Variants in SVIL observed in about 807,000 individuals in gnomAD.
The protein encoded by SVIL is supervillin, also known as archvillin.
Under a neutral mutation model 240.4 loss-of-function variants are expected in SVIL, and 101 were observed. That is an observed-to-expected ratio of 0.42 (90% CI 0.36 to 0.50). SVIL has a LOEUF of 0.50. Ranked by LOEUF, SVIL falls within the 20% of genes least tolerant of loss-of-function variation. The pLI, the probability that SVIL is intolerant of heterozygous loss-of-function variation, is 0.01. For missense variants in SVIL, 2,512 were observed against 2,818.7 expected, an observed-to-expected ratio of 0.89 and a Z score of 2.46; for synonymous variants, 999 against 1,100.0, an observed-to-expected ratio of 0.91 and a Z score of 1.82.
upstream of SVIL, among the ~76,000 whole-genome samples, chr10:29,638,126 A>T (rs1396277027): frequency 6.6e-6 from 1 of 152,178 alleles, no homozygotes; most frequent in Non-Finnish European, 1.5e-5. Flanking sequence ...ATCACTTTGT[A>T]CTATTTCTTA....
chr10:29,499,089 C>A, intron 18 of SVIL, 27 bp downstream of exon 18: 1 of 1,610,666 alleles, frequency 6.2e-7, no homozygotes, highest in Non-Finnish European at 8.5e-7. Flanking sequence ...GTGCACACAC[C>A]ACACACATGG....
At chr10:29,701,743 CT>C (rs138875102) in intron 1 of SVIL, among the ~76,000 whole-genome samples, 2,314 of 152,234 alleles carry the variant, frequency 0.015, 43 homozygotes, top group East Asian at 0.098. Context: ...CACTTGAAAT[CT>C]TATAAGTAAA....
intron 7 of SVIL, 85 bp downstream of exon 7, chr10:29,535,904 G>T: frequency 7.3e-7 from 1 of 1,366,400 alleles, no homozygotes; most frequent in Non-Finnish European, 1.0e-6. Context: ...AAGGCAAGAG[G>T]AGAGTGGGTG....
intron 22 of SVIL, among the ~76,000 whole-genome samples, chr10:29,490,112 A>G (rs1486731196): frequency 1.3e-5 from 2 of 152,068 alleles, no homozygotes; most frequent in Non-Finnish European, 2.9e-5. Context: ...GAGAGTCTGG[A>G]GCCCATCTCC....
At position 29,499,103 on chromosome 10, in the gene SVIL, C is replaced by T; in HGVS notation, c.3664+13G>A. On this transcript the variant is annotated intron_variant, in intron 18 of 37. Transcript: ENST00000355867. ...TGTGCACACACCACACACATGGACA[C>T]ACACACACTGACCTTTCTTCACCAT... is the stretch of plus-strand genomic sequence containing the variant. 2 of 1,613,378 alleles carry T rather than the reference C, an allele frequency of 1.2e-6. No individual in the cohort carries two copies. The highest frequency in any genetic ancestry group is 1.7e-6 in the Non-Finnish European group (2 of 1,179,628).
chr10:29,667,389 A>G (rs1290139562), intron 2 of SVIL, among the ~76,000 whole-genome samples: 1 of 152,242 alleles, frequency 6.6e-6, no homozygotes, highest in Non-Finnish European at 1.5e-5. Flanking sequence ...CTCCATTTGC[A>G]TAACATTCTG....
In SVIL at chr10:29,533,260, T is replaced by A; in HGVS notation, c.1107A>T (p.Gln369His). The A allele has an allele frequency of 1.2e-6, 2 of 1,614,098 alleles. No homozygotes were observed. Among genetic ancestry groups the A allele is most frequent in the Non-Finnish European group, 1.7e-6 (2 of 1,180,010 alleles). Residue 369 changes from glutamine (Q) to histidine (H), a missense_variant, in exon 8 of 38, where the codon CAA (glutamine) becomes CAT (histidine). Gln to His is a conservative substitution (Grantham distance 24, BLOSUM62 0). Coordinates refer to ENST00000355867, the MANE Select transcript of SVIL (RefSeq NM_021738.3). ...STRQPIRGYV[Q>H]PADTGHTAKL... is the part of the protein sequence containing the mutation. ...TGGCGGTGTGACCGGTATCTGCGGGTTGGACATAGCCACGGATTGGCTGTC... is the reference window on the plus strand; with the variant it reads ...TGGCGGTGTGACCGGTATCTGCGGGATGGACATAGCCACGGATTGGCTGTC...
At chr10:29,704,659 C>T (rs1308430400) in intron 1 of SVIL, among the ~76,000 whole-genome samples, 1 of 152,176 alleles carries the variant, frequency 6.6e-6, no homozygotes, top group Non-Finnish European at 1.5e-5. Context: ...ATCATTTCCC[C>T]CCGCAAATTG....
chr10:29,730,865 A>T (rs1210601755), intron 1 of SVIL, among the ~76,000 whole-genome samples: 1 of 152,208 alleles, frequency 6.6e-6, no homozygotes, highest in Non-Finnish European at 1.5e-5. Context: ...ATTGTGATTG[A>T]TGCTGGAGCT....
At position 29,512,642 on chromosome 10, in the gene SVIL, A is replaced by G. The variant is rs1002440680; in HGVS notation, c.3516+93T>C. 30 of 1,603,604 alleles carry G rather than the reference A, an allele frequency of 1.9e-5. No individual in the cohort carries two copies. In the Admixed American group the frequency reaches 4.2e-4, roughly 22 times the overall value. On this transcript the variant is annotated intron_variant, in intron 17 of 37. Coordinates refer to ENST00000355867, the MANE Select transcript of SVIL (RefSeq NM_021738.3). ...GGGCAAAAATGCACAAATGCTTCAC[A>G]GAGTAGGAATTAGGTGGCACACGCT...
intron 6 of SVIL, among the ~76,000 whole-genome samples, chr10:29,545,349 A>G (rs4578281): frequency 0.36 from 53,939 of 151,844 alleles, 9,706 homozygotes; most frequent in Admixed American, 0.41. Flanking sequence ...GCTCTCTGGC[A>G]TCCATGGGGA....
chr10:29,484,831 C>T lies in SVIL; in HGVS notation c.4780G>A (p.Val1594Ile), dbSNP rs750914158. 3 of 1,600,752 alleles carry T rather than the reference C, an allele frequency of 1.9e-6. No homozygotes were observed. The highest frequency in any genetic ancestry group is 2.6e-6 in the Non-Finnish European group (3 of 1,173,840). The change falls in exon 27 of 38, where the codon GTA becomes ATA. Residue 1594 changes from valine (V) to isoleucine (I), a missense_variant and splice_region_variant. This residue lies in a region of SVIL where 797 missense variants were observed against 925.3 expected (regional missense o/e 0.86). Transcript: ENST00000355867. The surrounding 1 kb of genome is among the most constrained non-coding windows in gnomAD (Gnocchi z 4.7). ...PKCSLLQPKE[V>I]LVFDFGSEVY... ...TCACTACCAAAATCAAACACCAGTACCTGGGAGAAATGGCACAAAAGAATT... is the reference window on the plus strand; with the variant it reads ...TCACTACCAAAATCAAACACCAGTATCTGGGAGAAATGGCACAAAAGAATT...
intron 1 of SVIL, among the ~76,000 whole-genome samples, chr10:29,704,134 C>G (rs1962723507): frequency 6.6e-6 from 1 of 152,254 alleles, no homozygotes; most frequent in Non-Finnish European, 1.5e-5. Context: ...TCATTAATAT[C>G]CTAGTTCACT....
chr10:29,526,272 T>C (rs949617473), intron 13 of SVIL, among the ~76,000 whole-genome samples: 19 of 151,554 alleles, frequency 1.3e-4, no homozygotes, highest in Non-Finnish European at 1.0e-4. Flanking sequence ...TAATGTCTCA[T>C]TTTTCTTTTT....
At chr10:29,674,880 A>G (rs1480054334) in intron 2 of SVIL, among the ~76,000 whole-genome samples, 1 of 152,066 alleles carries the variant, frequency 6.6e-6, no homozygotes, top group African/African-American at 2.4e-5. Flanking sequence ...AGCCCTGAAG[A>G]CTGTGTCCCA....
chr10:29,657,416 A>C (rs991816732), intron 3 of SVIL, among the ~76,000 whole-genome samples: 2 of 152,178 alleles, frequency 1.3e-5, no homozygotes, highest in African/African-American at 4.8e-5. Context: ...ACTTTAATCC[A>C]ATGCTTTCCA....
rs142437591 is a variant in SVIL, at chr10:29,458,686, T to C, written c.6403-97A>G. 17 of 1,391,790 alleles carry C rather than the reference T, an allele frequency of 1.2e-5. No homozygotes were observed. In the East Asian group the frequency reaches 3.8e-4, roughly 31 times the overall value. The allele number at this position is 1,391,790 out of a possible 1,614,324, so 86.2% of individuals were successfully genotyped here. On this transcript the variant is annotated intron_variant, in intron 36 of 37. Transcript: ENST00000355867. ...GACACACAGCCCTGTGCCACCTGCA[T>C]ACTGCCTGAGGATGCATAGTTCCAT... is the stretch of plus-strand genomic sequence containing the variant.
At position 29,458,348 on chromosome 10, in the gene SVIL, A is replaced by G; in HGVS notation, c.6559-15T>C. On this transcript the variant is annotated splice_polypyrimidine_tract_variant and intron_variant, in intron 37 of 37. Transcript: ENST00000355867. Reference sequence around the variant, plus strand: ...TCTAGTGCAAACTGGAAACATTGGGAGAAGCGCCCCGCGGCTCAGTGAAAG... The same window carrying G: ...TCTAGTGCAAACTGGAAACATTGGGGGAAGCGCCCCGCGGCTCAGTGAAAG... 6.2e-7 allele frequency: 1 copy of G among 1,613,978 alleles called. No individual in the cohort carries two copies. The highest frequency in any genetic ancestry group is 8.5e-7 in the Non-Finnish European group (1 of 1,179,972).
chr10:29,700,542 C>T (rs1269962091), intron 1 of SVIL, among the ~76,000 whole-genome samples: 2 of 141,804 alleles, frequency 1.4e-5, no homozygotes, highest in Non-Finnish European at 3.0e-5. Flanking sequence ...GCGATCTCAG[C>T]TCACTGCAAG....
Sources: gnomAD v4.1 joint callset for allele counts (sites outside exome capture counted in the v4.1 genomes callset) on GRCh38, gnomAD v4.1.1 for gene constraint, gnomAD v4.1.1 regional missense constraint, Gnocchi (gnomAD v3.1) non-coding constraint, MANE v1.5 for transcripts, NCBI Gene and HGNC (gene_info 2026-07-23, HGNC 2026-07-21) for gene names.